Variants in PRKAG2 observed in about 807,000 individuals in gnomAD.
PRKAG2 encodes the protein protein kinase AMP-activated non-catalytic subunit gamma 2.
A neutral mutation model predicts 69.6 loss-of-function variants in PRKAG2; 26 were observed. The ratio of observed to expected loss-of-function variants is 0.37; its 90% CI spans 0.27 to 0.52. The LOEUF (loss-of-function observed/expected upper bound fraction) is 0.52, where lower values mean the gene tolerates loss of function less well. Ranked by LOEUF, PRKAG2 falls within the 20% of genes least tolerant of loss-of-function variation. PRKAG2 has a pLI of 0.90. For synonymous variants in PRKAG2, 293 were observed against 285.0 expected (o/e 1.03, Z -0.28); for missense variants, 557 against 740.0 (o/e 0.75, Z 2.87).
chr7:151,671,814 T>C lies in PRKAG2; in HGVS notation c.684+3606A>G, dbSNP rs10243676. Among the ~76,000 whole-genome samples the C allele has an allele frequency of 4.8e-3, 737 of 152,234 alleles. 3 individuals carry two copies. Among genetic ancestry groups the C allele is most frequent in the African/African-American group, 0.017 (705 of 41,534 alleles). On this transcript the variant is annotated intron_variant, in intron 4 of 15. Coordinates refer to ENST00000287878, the MANE Select transcript of PRKAG2 (RefSeq NM_016203.4). ...TGGCCTGAGGGCTGAAACTTACAAG[T>C]GGGGTGAGGGGCTTGCTTACCATCA...
chr7:151,825,685 G>A (rs1450254359), intron 1 of PRKAG2, among the ~76,000 whole-genome samples: 1 of 152,148 alleles, frequency 6.6e-6, no homozygotes, highest in African/African-American at 2.4e-5. Flanking sequence ...TTTGTCTCTG[G>A]GACGCTCCTC....
intron 1 of PRKAG2, among the ~76,000 whole-genome samples, chr7:151,818,828 T>G (rs988570119): frequency 1.3e-5 from 2 of 152,230 alleles, no homozygotes; most frequent in Non-Finnish European, 2.9e-5. Context: ...TGACTGGGCC[T>G]GGTGGGATGT....
At chr7:151,848,512 CTTTTTTTTTTTT>C (rs1158559692) in intron 1 of PRKAG2, among the ~76,000 whole-genome samples, 129 of 62,252 alleles carry the variant, frequency 2.1e-3, no homozygotes, top group African/African-American at 8.3e-3. Flanking sequence ...TACTGCATGT[CTTTTTTTTTTTT>C]TTTTTTTTTT....
chr7:151,586,158 T>A (rs925564523), intron 6 of PRKAG2, among the ~76,000 whole-genome samples: 2 of 152,198 alleles, frequency 1.3e-5, no homozygotes, highest in African/African-American at 4.8e-5. Context: ...AGGTGTTGAC[T>A]GAGATTTAAA....
chr7:151,851,432 G>A (rs2079566912), intron 1 of PRKAG2, among the ~76,000 whole-genome samples: 1 of 152,172 alleles, frequency 6.6e-6, no homozygotes. Flanking sequence ...CTCGCTGTGG[G>A]CAACTCTGCC....
intron 3 of PRKAG2, among the ~76,000 whole-genome samples, chr7:151,713,766 G>C (rs1200180560): frequency 1.3e-5 from 2 of 151,936 alleles, no homozygotes; most frequent in Non-Finnish European, 2.9e-5. Context: ...GTTTCATAGA[G>C]AAGGGGTCTA....
intron 1 of PRKAG2, among the ~76,000 whole-genome samples, chr7:151,799,376 ACT>A (rs1235524673): frequency 3.3e-5 from 5 of 152,092 alleles, no homozygotes; most frequent in South Asian, 2.1e-4. Flanking sequence ...GGTAACAGTA[ACT>A]CTTACAGGAT....
intron 14 of PRKAG2, among the ~76,000 whole-genome samples, chr7:151,561,133 C>A (rs1306075801): frequency 6.6e-6 from 1 of 152,168 alleles, no homozygotes; most frequent in South Asian, 2.1e-4. Context: ...TATCTCCTGT[C>A]TCTAATGATA....
intron 4 of PRKAG2, among the ~76,000 whole-genome samples, chr7:151,655,877 C>T (rs916241601): frequency 4.6e-5 from 7 of 152,216 alleles, no homozygotes; most frequent in African/African-American, 1.7e-4. Flanking sequence ...TCACACCCCA[C>T]ATAGCCTACA....
chr7:151,714,142 G>C (rs544140970), intron 3 of PRKAG2, among the ~76,000 whole-genome samples: 3 of 152,114 alleles, frequency 2.0e-5, no homozygotes, highest in African/African-American at 7.2e-5. Flanking sequence ...ATTGGAGTAC[G>C]GGCTTTACGG....
intron 1 of PRKAG2, among the ~76,000 whole-genome samples, chr7:151,808,964 CG>C (rs2078272420): frequency 7.9e-5 from 12 of 152,152 alleles, no homozygotes; most frequent in Non-Finnish European, 1.5e-4. Flanking sequence ...TTCTCTCCCG[CG>C]CTCCCCCTCC....
At chr7:151,683,840 CTG>C in intron 3 of PRKAG2, among the ~76,000 whole-genome samples, 1 of 152,318 alleles carries the variant, frequency 6.6e-6, no homozygotes, top group African/African-American at 2.4e-5. Flanking sequence ...GCGCGAGACC[CTG>C]TGTGACACAA....
At chr7:151,601,584 T>G (rs991543529) in intron 5 of PRKAG2, among the ~76,000 whole-genome samples, 3 of 152,182 alleles carry the variant, frequency 2.0e-5, no homozygotes, top group Non-Finnish European at 2.9e-5. Context: ...GAGGATGCTC[T>G]GAGGCTGTAC....
intron 1 of PRKAG2, among the ~76,000 whole-genome samples, chr7:151,793,547 C>T (rs1027610157): frequency 1.3e-5 from 2 of 152,138 alleles, no homozygotes; most frequent in Admixed American, 6.5e-5. Context: ...GCCCGAGGCC[C>T]GCGGTTCCCA....
Position 151,680,346 on chromosome 7 carries a change from C to T in PRKAG2, c.467-4709G>A, listed in dbSNP as rs147180510. ...GGTTAGATAAATCATGGCCCATCTG[C>T]AGGCACAGGCAGCCACCATTCCTGT... On this transcript the variant is annotated intron_variant, in intron 3 of 15. Coordinates refer to ENST00000287878, the MANE Select transcript of PRKAG2 (RefSeq NM_016203.4). Among the ~76,000 whole-genome samples the T allele has an allele frequency of 4.0e-3, 610 of 152,288 alleles. 2 individuals are homozygous for T. Among genetic ancestry groups the T allele is most frequent in the African/African-American group, 0.014 (563 of 41,544 alleles).
At chr7:151,598,980 T>A (rs966048156) in intron 5 of PRKAG2, among the ~76,000 whole-genome samples, 3 of 151,940 alleles carry the variant, frequency 2.0e-5, no homozygotes, top group African/African-American at 7.3e-5. Context: ...GCCTCCCGAG[T>A]AGCTGGGATT....
At chr7:151,602,300 T>C (rs928857643) in intron 5 of PRKAG2, among the ~76,000 whole-genome samples, 1 of 152,230 alleles carries the variant, frequency 6.6e-6, no homozygotes, top group Non-Finnish European at 1.5e-5. Context: ...TAGTAAAATG[T>C]AACAAACCAT....
At chr7:151,859,447 G>C (rs2079863183) in intron 1 of PRKAG2, among the ~76,000 whole-genome samples, 1 of 152,234 alleles carries the variant, frequency 6.6e-6, no homozygotes, top group Admixed American at 6.5e-5. Context: ...CAGGAATCAT[G>C]GTCTTCAGAG....
intron 4 of PRKAG2, among the ~76,000 whole-genome samples, chr7:151,665,376 C>A (rs1830892781): frequency 6.6e-6 from 1 of 152,170 alleles, no homozygotes; most frequent in Non-Finnish European, 1.5e-5. Context: ...ATCCCAAAGA[C>A]CCCGGCCACT....
Sources: gnomAD v4.1 joint callset for allele counts (sites outside exome capture counted in the v4.1 genomes callset) on GRCh38, gnomAD v4.1.1 for gene constraint, MANE v1.5 for transcripts, NCBI Gene and HGNC (gene_info 2026-07-23, HGNC 2026-07-21) for gene names.